FRMPD1: variants seen among roughly 807,000 people sequenced by gnomAD.
FRMPD1 encodes the protein FERM and PDZ domain containing 1.
FRMPD1 carries 76 observed loss-of-function variants against 117.8 expected under a neutral mutation model. The observed-to-expected ratio is 0.65, with a 90% CI of 0.54 to 0.78. The LOEUF is 0.78. FRMPD1 is among the 30% of genes least tolerant of loss of function. The probability of loss-of-function intolerance (pLI) is 0.00; values close to 1 mark genes in which losing one functional copy is unlikely to be tolerated. For synonymous variants in FRMPD1, 783 were observed against 770.4 expected (o/e 1.02, Z -0.27); for missense variants, 1,786 against 1,964.5 (o/e 0.91, Z 1.72).
intron 9 of FRMPD1, among the ~76,000 whole-genome samples, chr9:37,731,348 ATACCATT>A (rs1823871919): frequency 6.6e-6 from 1 of 152,178 alleles, no homozygotes; most frequent in South Asian, 2.1e-4. Context: ...ACATTTTCTA[ATACCATT>A]TTAGGATCTT....
chr9:37,692,972 CACTT>C (rs1286813734), intron 2 of FRMPD1, among the ~76,000 whole-genome samples: 1 of 152,124 alleles, frequency 6.6e-6, no homozygotes, highest in African/African-American at 2.4e-5. Context: ...AACTCACACA[CACTT>C]ACAACATTTA....
intron 7 of FRMPD1, among the ~76,000 whole-genome samples, chr9:37,729,294 A>C (rs1470275096): frequency 6.8e-6 from 1 of 146,830 alleles, no homozygotes; most frequent in African/African-American, 2.5e-5. Flanking sequence ...GAAGCAGGAG[A>C]ATTGCTTGAA....
chr9:37,611,840 C>CT, the FRMPD1 span, among the ~76,000 whole-genome samples: 2,370 of 152,242 alleles, frequency 0.016, 63 homozygotes, highest in African/African-American at 0.053. Flanking sequence ...CTTCTGTATT[C>CT]TTTTTTTCCC....
the FRMPD1 span, among the ~76,000 whole-genome samples, chr9:37,634,927 G>A: frequency 6.6e-6 from 1 of 151,116 alleles, no homozygotes; most frequent in African/African-American, 2.4e-5. Context: ...TCCCCTCTCT[G>A]CGTCCATGTG....
At chr9:37,641,671 C>T in the FRMPD1 span, among the ~76,000 whole-genome samples, 1 of 152,118 alleles carries the variant, frequency 6.6e-6, no homozygotes, top group Non-Finnish European at 1.5e-5. Flanking sequence ...TAGATCATCC[C>T]TCCCTCTCCC....
the FRMPD1 span, among the ~76,000 whole-genome samples, chr9:37,629,123 C>T: frequency 3.3e-5 from 5 of 151,944 alleles, no homozygotes; most frequent in East Asian, 1.9e-4. Context: ...CGCTTGAACT[C>T]GGGAGGCGGA....
chr9:37,688,289 A>G (rs2117995337), intron 1 of FRMPD1, among the ~76,000 whole-genome samples: 2 of 151,552 alleles, frequency 1.3e-5, no homozygotes, highest in African/African-American at 4.8e-5. Flanking sequence ...CCATTAACAA[A>G]TATTTTAACA....
chr9:37,683,134 T>A (rs1821788330), intron 1 of FRMPD1, among the ~76,000 whole-genome samples: 3 of 152,242 alleles, frequency 2.0e-5, no homozygotes, highest in Non-Finnish European at 4.4e-5. Flanking sequence ...AATCTGACAT[T>A]TATATGAAAT....
At chr9:37,715,541 C>T in intron 5 of FRMPD1, 1 of 429,374 alleles carries the variant, frequency 2.3e-6, no homozygotes, top group South Asian at 1.7e-5. Flanking sequence ...GAAAAACATG[C>T]ACAAAGAGAT....
chr9:37,724,165 C>G lies in FRMPD1; in HGVS notation c.517-60C>G, dbSNP rs1027613665. ...CTCCAGCCTGGGTGACAGAGAGAGA[C>G]CCTGTCTCCAGAAGGAATAAAAAAA... On this transcript the variant is annotated intron_variant, in intron 6 of 15. Coordinates refer to ENST00000377765, the MANE Select transcript of FRMPD1 (RefSeq NM_014907.3). 9 of 852,262 alleles carry G rather than the reference C, an allele frequency of 1.1e-5. No homozygotes were observed. In the Admixed American group the frequency reaches 1.4e-4, roughly 14 times the overall value. The allele number at this position is 852,262 out of a possible 1,614,324, so 52.8% of individuals were successfully genotyped here.
chr9:37,603,400 G>A, the FRMPD1 span, among the ~76,000 whole-genome samples: 1 of 152,044 alleles, frequency 6.6e-6, no homozygotes, highest in Non-Finnish European at 1.5e-5. Context: ...CAGGCACCAT[G>A]AGCAAAAAAA....
chr9:37,680,704 G>A lies in FRMPD1; in HGVS notation c.-4-11934G>A, dbSNP rs778470473. Among the ~76,000 whole-genome samples, 51 of 152,174 alleles carry A rather than the reference G, an allele frequency of 3.4e-4. 1 individual carries two copies. The highest frequency in any genetic ancestry group is 6.5e-5 in the Admixed American group (1 of 15,276). Reference sequence around the variant, plus strand: ...ATGCAGGCAGCCAGAACTTCTTGACGTGAATGAAAGGCTCAGAGAACCTAG... The same window carrying A: ...ATGCAGGCAGCCAGAACTTCTTGACATGAATGAAAGGCTCAGAGAACCTAG... On this transcript the variant is annotated intron_variant, in intron 1 of 15. Coordinates refer to ENST00000377765, the MANE Select transcript of FRMPD1 (RefSeq NM_014907.3).
Position 37,733,553 on chromosome 9 carries a change from G to A in FRMPD1, c.1076G>A (p.Ser359Asn). Residue 359 changes from serine to asparagine, a missense_variant, in exon 11 of 16, where the codon AGC becomes AAC. Transcript: ENST00000377765. ...GGCAAAGACATCAAGAAAGCCATTAGCTTCCACATGAAGAGGAACCAGAAT... is the reference window on the plus strand; with the variant it reads ...GGCAAAGACATCAAGAAAGCCATTAACTTCCACATGAAGAGGAACCAGAAT... Reference protein sequence around the residue: ...MKGKDIKKAISFHMKRNQNLL... With the variant: ...MKGKDIKKAINFHMKRNQNLL... 6.2e-7 allele frequency: 1 copy of A among 1,614,004 alleles called. No individual in the cohort carries two copies. The highest frequency in any genetic ancestry group is 1.1e-5 in the South Asian group (1 of 91,070).
rs747718898 is a variant in FRMPD1, at chr9:37,744,564, C to T, written c.2532C>T (p.Thr844=). 3.3e-5 allele frequency: 54 copies of T among 1,613,948 alleles called. No homozygotes were observed. Among genetic ancestry groups the T allele is most frequent in the Middle Eastern group, 1.6e-4 (1 of 6,082 alleles). ...TLRKRRSFLQ[T]DYTSQVSFPL... ...GGAAAAGAAGGTCTTTCCTACAGAC[C>T]GACTACACCTCTCAGGTCTCATTTC... is the stretch of plus-strand genomic sequence containing the variant. Residue 844 remains threonine, a synonymous_variant, in exon 16 of 16, where the codon ACC becomes ACT. Transcript: ENST00000377765.
At chr9:37,715,629 G>A (rs117603708) in intron 5 of FRMPD1, 9 of 456,234 alleles carry the variant, frequency 2.0e-5, no homozygotes, top group Non-Finnish European at 4.4e-6. Flanking sequence ...AGAATAATGA[G>A]TAGCTCATAT....
intron 1 of FRMPD1, among the ~76,000 whole-genome samples, chr9:37,691,861 C>T (rs1222707080): frequency 2.6e-5 from 4 of 152,046 alleles, no homozygotes; most frequent in South Asian, 2.1e-4. Context: ...GAGCCAAGAT[C>T]GTGCCACTGC....
At chr9:37,718,192 G>GT (rs749827905) in intron 5 of FRMPD1, among the ~76,000 whole-genome samples, 2 of 152,330 alleles carry the variant, frequency 1.3e-5, no homozygotes, top group Non-Finnish European at 2.9e-5. Context: ...TGGTGTTTGA[G>GT]TCTATGAACA....
chr9:37,707,045 G>GT (rs1822732247), intron 2 of FRMPD1, among the ~76,000 whole-genome samples: 1 of 152,080 alleles, frequency 6.6e-6, no homozygotes, highest in Non-Finnish European at 1.5e-5. Flanking sequence ...GGCTGTATAG[G>GT]TATACCCTAG....
At chr9:37,620,227 C>T in the FRMPD1 span, among the ~76,000 whole-genome samples, 15 of 152,168 alleles carry the variant, frequency 9.9e-5, no homozygotes, top group African/African-American at 2.9e-4. Context: ...GTGGAACACT[C>T]GTGTTTATCT....
Sources: allele counts gnomAD v4.1 joint callset (sites outside exome capture counted in the v4.1 genomes callset), GRCh38; gene constraint gnomAD v4.1.1; transcripts MANE v1.5; gene names NCBI Gene and HGNC (gene_info 2026-07-23, HGNC 2026-07-21).